Variants in NPHP4 observed in about 807,000 individuals in gnomAD.
The protein encoded by NPHP4 is nephrocystin 4.
NPHP4 carries 151 observed loss-of-function variants against 155.8 expected under a neutral mutation model. The observed-to-expected ratio is 0.97, with a 90% CI of 0.85 to 1.11. NPHP4 has a LOEUF of 1.11. NPHP4 is among the 50% of genes least tolerant of loss of function. NPHP4 has a pLI of 0.00. For synonymous variants in NPHP4, 845 were observed against 816.8 expected, an observed-to-expected ratio of 1.03 and a Z score of -0.59; for missense variants, 1,956 against 1,925.7, an observed-to-expected ratio of 1.02 and a Z score of -0.29.
Position 5,914,118 on chromosome 1 carries a change from G to A in NPHP4, c.1442-4905C>T, listed in dbSNP as rs140412661. 5.7e-3 allele frequency among the ~76,000 whole-genome samples: 867 copies of A among 152,140 alleles called. 10 individuals carry two copies. The highest frequency in any genetic ancestry group is 0.019 in the African/African-American group (771 of 41,498). ...ACTTCCAGCGTCACCTCACCAGACA[G>A]ATTAAAAGTACTGACTACCAGCTGG... On this transcript the variant is annotated intron_variant, in intron 11 of 29. Transcript: ENST00000378156.
chr1:5,972,421 T>C (rs921433742), intron 3 of NPHP4, among the ~76,000 whole-genome samples: 2 of 152,192 alleles, frequency 1.3e-5, no homozygotes, highest in African/African-American at 4.8e-5. Context: ...CCACGAATTA[T>C]CCAGCCCACA....
intron 12 of NPHP4, among the ~76,000 whole-genome samples, chr1:5,908,745 G>A (rs1241968665): frequency 6.6e-6 from 1 of 152,220 alleles, no homozygotes. Context: ...TGGCCGACAG[G>A]GCCAGGGGAC....
intron 23 of NPHP4, among the ~76,000 whole-genome samples, chr1:5,869,245 A>ACGCACCCACATG: frequency 9.1e-6 from 1 of 109,700 alleles, no homozygotes; most frequent in Non-Finnish European, 2.1e-5. Flanking sequence ...ACACACACAC[A>ACGCACCCACATG]CACACACATG....
rs757313436 is a variant in NPHP4, at chr1:5,948,159, C to T, written c.903G>A (p.Pro301=). 29 of 1,613,134 alleles carry T rather than the reference C, an allele frequency of 1.8e-5. No individual in the cohort carries two copies. The Middle Eastern group carries it at 4.9e-4, about 27-fold the overall frequency. The part of the protein sequence containing the change: ...VHNGLGFVQR[P]QVVVLVPEMD... Reference sequence around the variant, plus strand: ...TCTCAGGCACCAGTACAACGACCTGCGGCCTCTGCACGAAGCCCAGACCAT... The same window carrying T: ...TCTCAGGCACCAGTACAACGACCTGTGGCCTCTGCACGAAGCCCAGACCAT... The change falls in exon 8 of 30, where the codon CCG becomes CCA. Residue 301 remains proline (P), a synonymous_variant. Coordinates refer to ENST00000378156, the MANE Select transcript of NPHP4 (RefSeq NM_015102.5).
At chr1:5,937,831 AAG>A (rs1646624339) in intron 9 of NPHP4, among the ~76,000 whole-genome samples, 1 of 152,202 alleles carries the variant, frequency 6.6e-6, no homozygotes, top group South Asian at 2.1e-4. Context: ...ATAAAGAAAA[AAG>A]AGAGAGAAAT....
intron 22 of NPHP4, chr1:5,873,824 C>T: frequency 3.9e-6 from 1 of 259,050 alleles, no homozygotes. Context: ...GCACACACAC[C>T]TCACATACTC....
At chr1:5,868,283 G>A (rs1641483090) in intron 23 of NPHP4, 1 of 351,274 alleles carries the variant, frequency 2.8e-6, no homozygotes, top group African/African-American at 2.1e-5. Context: ...GGAGGTCCTG[G>A]AGTGGGTGGT....
chr1:5,875,290 G>A (rs1202636381), intron 20 of NPHP4, among the ~76,000 whole-genome samples, 190 bp from the exon 21 acceptor site: 1 of 152,122 alleles, frequency 6.6e-6, no homozygotes, highest in East Asian at 1.9e-4. Context: ...TGGATCTCAG[G>A]CAGTGCTGGA....
chr1:5,863,974 G>T lies in NPHP4; in HGVS notation c.4056C>A (p.Tyr1352Ter). ...EGKGVNKRIT[Y>*]TNPYPSRRTF... ...TCCTCCGGGAGGGGTAGGGGTTGGT[G>T]TAGGTGATCCTCTTGTTGACACCCT... The change falls in exon 29 of 30, where the codon TAC becomes TAA. Residue 1352 changes from tyrosine (Y) to a stop codon, truncating the protein, a stop_gained. Transcript: ENST00000378156. LOFTEE classifies it high-confidence loss of function. The T allele has an allele frequency of 6.2e-7, 1 of 1,613,858 alleles. No individual in the cohort carries two copies. Among genetic ancestry groups the T allele is most frequent in the Non-Finnish European group, 8.5e-7 (1 of 1,179,782 alleles).
At chr1:5,929,851 T>C (rs1646188383) in intron 10 of NPHP4, among the ~76,000 whole-genome samples, 1 of 152,218 alleles carries the variant, frequency 6.6e-6, no homozygotes, top group Non-Finnish European at 1.5e-5. Context: ...CCATCTTTTC[T>C]GTTTTCTGAA....
chr1:5,990,279 G>A (rs1233761621), intron 1 of NPHP4, among the ~76,000 whole-genome samples: 4 of 152,176 alleles, frequency 2.6e-5, no homozygotes, highest in Non-Finnish European at 5.9e-5. Flanking sequence ...GAGACTGTGA[G>A]CTCCATGACA....
chr1:5,916,040 C>T (rs1570423464), intron 11 of NPHP4, among the ~76,000 whole-genome samples: 1 of 152,308 alleles, frequency 6.6e-6, no homozygotes, highest in East Asian at 1.9e-4. Flanking sequence ...TTTGCAATGA[C>T]CCCTTCTACA....
chr1:5,952,843 C>T lies in NPHP4; in HGVS notation c.674-7G>A. On this transcript the variant is annotated splice_region_variant and splice_polypyrimidine_tract_variant and intron_variant, in intron 6 of 29. Coordinates refer to ENST00000378156, the MANE Select transcript of NPHP4 (RefSeq NM_015102.5). ...GGCTTTCGGAGAGCGTCGCCTGAAACAGTGAGGGTGCGAAAAGGGTCATCC... is the reference window on the plus strand; with the variant it reads ...GGCTTTCGGAGAGCGTCGCCTGAAATAGTGAGGGTGCGAAAAGGGTCATCC... 1 of 1,595,744 alleles carries T rather than the reference C, an allele frequency of 6.3e-7. No individual in the cohort carries two copies. The highest frequency in any genetic ancestry group is 8.5e-7 in the Non-Finnish European group (1 of 1,171,180).
chr1:5,877,303 G>C lies in NPHP4; in HGVS notation c.2612-5C>G, dbSNP rs760099622. On this transcript the variant is annotated splice_polypyrimidine_tract_variant and splice_region_variant and intron_variant, in intron 19 of 29. Coordinates refer to ENST00000378156, the MANE Select transcript of NPHP4 (RefSeq NM_015102.5). ...GTGCTTGCACCACGTGTTTTCCTGC[G>C]AAAGGGTCAGAGCGCGAGTCAGGTA... 2 of 1,586,002 alleles carry C rather than the reference G, an allele frequency of 1.3e-6. No homozygotes were observed. The highest frequency in any genetic ancestry group is 1.3e-5 in the African/African-American group (1 of 74,544).
At position 5,867,897 on chromosome 1, in the gene NPHP4, C is replaced by T; in HGVS notation, c.3316-1G>A. On this transcript the variant is annotated splice_acceptor_variant, in intron 23 of 29. Transcript: ENST00000378156. LOFTEE classifies it high-confidence loss of function. This position sits in a 1 kb window ranked among gnomAD's most constrained non-coding sequence, Gnocchi z 4.1. ...TGCCACCACTCGCTCGGAACAAGACCTGTGAGGAGGCCACGCTGAGTGTTG... is the reference window on the plus strand; with the variant it reads ...TGCCACCACTCGCTCGGAACAAGACTTGTGAGGAGGCCACGCTGAGTGTTG... The T allele has an allele frequency of 1.9e-6, 3 of 1,614,004 alleles. No individual in the cohort carries two copies. The highest frequency in any genetic ancestry group is 2.5e-6 in the Non-Finnish European group (3 of 1,179,892).
rs1350023678 is a variant in NPHP4 at position 5,863,967 on chromosome 1, G to A, written c.4063C>T (p.Pro1355Ser). 2 of 1,613,820 alleles carry A rather than the reference G, an allele frequency of 1.2e-6. No homozygotes were observed. The highest frequency in any genetic ancestry group is 1.7e-4 in the Middle Eastern group (1 of 6,058). ...TGGAATGTCCTCCGGGAGGGGTAGG[G>A]GTTGGTGTAGGTGATCCTCTTGTTG... ...GVNKRITYTN[P>S]YPSRRTFHLH... The change falls in exon 29 of 30, where the codon CCC becomes TCC. Residue 1355 changes from proline (P) to serine (S), a missense_variant. Pro to Ser is a moderately conservative substitution (Grantham distance 74). Transcript: ENST00000378156.
intron 6 of NPHP4, among the ~76,000 whole-genome samples, chr1:5,961,535 C>G (rs1306826852): frequency 6.6e-6 from 1 of 152,202 alleles, no homozygotes; most frequent in Non-Finnish European, 1.5e-5. Flanking sequence ...AACTCTGTCT[C>G]TCACGAAAGC....
chr1:5,869,126 C>CCT (rs527971429), intron 23 of NPHP4, among the ~76,000 whole-genome samples: 14 of 109,658 alleles, frequency 1.3e-4, no homozygotes, highest in Non-Finnish European at 4.4e-5. Context: ...CACACACGCA[C>CCT]AATGCACACA....
Position 5,961,846 on chromosome 1 carries a change from C to T in NPHP4, c.621G>A (p.Leu207=), listed in dbSNP as rs1331991367. 6.2e-7 allele frequency: 1 copy of T among 1,613,722 alleles called. No homozygotes were observed. Among genetic ancestry groups the T allele is most frequent in the Admixed American group, 1.7e-5 (1 of 59,980 alleles). The change falls in exon 6 of 30, where the codon CTG becomes CTA. Residue 207 remains leucine, a synonymous_variant. Transcript: ENST00000378156. The part of the protein sequence containing the change: ...PAFHLLPENL[L]VSGLQQIPGL... ...CAGGTATCTGCTGCAGACCAGACAC[C>T]AGAAGGTTCTCAGGAAGAAGGTGGA...
Sources: allele counts gnomAD v4.1 joint callset (sites outside exome capture counted in the v4.1 genomes callset), GRCh38; gene constraint gnomAD v4.1.1; non-coding constraint Gnocchi (gnomAD v3.1); transcripts MANE v1.5; gene names NCBI Gene and HGNC (gene_info 2026-07-23, HGNC 2026-07-21).